The following DNAH11 variants were observed in gnomAD, a reference collection of about 807,000 sequenced individuals.
The protein encoded by DNAH11 is dynein axonemal heavy chain 11, also known as axonemal beta dynein heavy chain 11.
A neutral mutation model predicts 526.0 loss-of-function variants in DNAH11; 442 were observed. The observed-to-expected ratio is 0.84, with a 90% confidence interval of 0.78 to 0.91. The LOEUF is 0.91. DNAH11 is among the 40% of genes least tolerant of loss of function. The pLI is 0.00. For missense variants in DNAH11, 6,989 were observed against 5,448.7 expected, an observed-to-expected ratio of 1.28 and a Z score of -8.90; for synonymous variants, 2,461 against 1,935.9, an observed-to-expected ratio of 1.27 and a Z score of -7.12.
At chr7:21,798,722 C>T (rs987899328) in intron 61 of DNAH11, among the ~76,000 whole-genome samples, 12 of 152,272 alleles carry the variant, frequency 7.9e-5, no homozygotes, top group Non-Finnish European at 1.5e-4. Context: ...CAGAGTTTTT[C>T]AGCTGCTGTA....
At chr7:21,617,406 G>T (rs551131564) in intron 22 of DNAH11, among the ~76,000 whole-genome samples, 2 of 152,340 alleles carry the variant, frequency 1.3e-5, no homozygotes, top group South Asian at 4.1e-4. Context: ...TGAGAAAGCA[G>T]TGTATACAAG....
At chr7:21,780,438 A>G (rs997137305) in intron 57 of DNAH11, among the ~76,000 whole-genome samples, 2 of 152,200 alleles carry the variant, frequency 1.3e-5, no homozygotes, top group African/African-American at 2.4e-5. Context: ...TAGGTATCAC[A>G]CATGATACAG....
chr7:21,750,175 T>G, intron 53 of DNAH11, 47 bp from the exon 54 acceptor site: 2 of 1,520,338 alleles, frequency 1.3e-6, no homozygotes, highest in South Asian at 2.6e-5. Flanking sequence ...TATGTAAAAT[T>G]TAAATTGCAA....
At chr7:21,652,363 T>C (rs938820333) in intron 28 of DNAH11, among the ~76,000 whole-genome samples, 2 of 152,120 alleles carry the variant, frequency 1.3e-5, no homozygotes, top group African/African-American at 4.8e-5. Flanking sequence ...AAAGGTAAAA[T>C]GTTGATGGCC....
chr7:21,586,018 G>C (rs890220230), intron 9 of DNAH11, among the ~76,000 whole-genome samples: 4 of 152,196 alleles, frequency 2.6e-5, no homozygotes, highest in African/African-American at 9.7e-5. Context: ...TCTCCTCCTG[G>C]AGGGTGGTTT....
At position 21,588,139 on chromosome 7, in the gene DNAH11, G is replaced by T. The variant is rs778176046; in HGVS notation, c.1786G>T (p.Val596Leu). Residue 596 changes from valine (V) to leucine (L), a missense_variant, in exon 10 of 82, where the codon GTG (valine) becomes TTG (leucine). Val to Leu is a conservative substitution (Grantham distance 32). Coordinates refer to ENST00000409508, the MANE Select transcript of DNAH11 (RefSeq NM_001277115.2). The stretch of plus-strand genomic sequence containing the variant: ...TTTCAGCCTACATTACAGCACACTA[G>T]TGCATATGTTTAATACAGAGCTGGA... ...EIFSLHYSTLVHMFNTELDVC... is the reference protein window; with the variant it reads ...EIFSLHYSTLLHMFNTELDVC... 2 of 1,613,402 alleles carry T rather than the reference G, an allele frequency of 1.2e-6. No homozygotes were observed. The highest frequency in any genetic ancestry group is 1.1e-5 in the South Asian group (1 of 91,046).
intron 20 of DNAH11, among the ~76,000 whole-genome samples, chr7:21,612,284 G>GCA (rs1562699932): frequency 8.3e-4 from 126 of 152,182 alleles, no homozygotes; most frequent in African/African-American, 2.8e-3. Context: ...GGCTGGGCAT[G>GCA]GTGGCTCACG....
At position 21,893,871 on chromosome 7, in the gene DNAH11, G is replaced by C. The variant is rs555651841; in HGVS notation, c.12751-752G>C. Among the ~76,000 whole-genome samples the C allele has an allele frequency of 2.6e-5, 4 of 152,212 alleles. No homozygotes were observed. In the South Asian group the frequency reaches 8.3e-4, roughly 32 times the overall value. ...GCTTACGCTTAAAAGGCTTATTTGG[G>C]TTATGTGACTTTTATTCTATTTTAT... is the stretch of plus-strand genomic sequence containing the variant. On this transcript the variant is annotated intron_variant, in intron 77 of 81. Coordinates refer to ENST00000409508, the MANE Select transcript of DNAH11 (RefSeq NM_001277115.2).
intron 65 of DNAH11, among the ~76,000 whole-genome samples, chr7:21,830,037 G>T (rs977302990): frequency 5.9e-5 from 9 of 152,128 alleles, no homozygotes; most frequent in Non-Finnish European, 2.9e-5. Flanking sequence ...TAATTTTTTG[G>T]CTGGGTTTTG....
At chr7:21,588,721 C>A in intron 11 of DNAH11, 85 bp downstream of exon 11, 1 of 1,486,468 alleles carries the variant, frequency 6.7e-7, no homozygotes, top group Non-Finnish European at 9.3e-7. Flanking sequence ...TTCATATTAG[C>A]ACTTAGGAAG....
intron 56 of DNAH11, among the ~76,000 whole-genome samples, chr7:21,778,210 A>G (rs995235297): frequency 6.6e-6 from 1 of 152,162 alleles, no homozygotes; most frequent in Non-Finnish European, 1.5e-5. Context: ...TTTTTAGCAG[A>G]TGAATTCATG....
At chr7:21,839,541 C>T (rs994691398) in intron 65 of DNAH11, among the ~76,000 whole-genome samples, 5 of 151,330 alleles carry the variant, frequency 3.3e-5, no homozygotes, top group African/African-American at 9.8e-5. Context: ...CACCACTGCA[C>T]TCCAACCTGG....
intron 28 of DNAH11, among the ~76,000 whole-genome samples, chr7:21,641,856 G>C (rs1419646185): frequency 6.6e-6 from 1 of 152,160 alleles, no homozygotes; most frequent in Non-Finnish European, 1.5e-5. Flanking sequence ...ACATTGCTCA[G>C]TACTAGTCCC....
chr7:21,693,315 A>G (rs1783707441), intron 35 of DNAH11, among the ~76,000 whole-genome samples: 1 of 152,184 alleles, frequency 6.6e-6, no homozygotes. Flanking sequence ...CATTCCAGGG[A>G]TAAGCTCCGC....
intron 54 of DNAH11, among the ~76,000 whole-genome samples, chr7:21,757,332 G>T (rs1562528642): frequency 6.6e-6 from 1 of 152,120 alleles, no homozygotes; most frequent in East Asian, 1.9e-4. Flanking sequence ...TTGAGTATGG[G>T]ATGAAATGTT....
At chr7:21,596,718 T>C (rs1478626341) in intron 14 of DNAH11, among the ~76,000 whole-genome samples, 1 of 152,228 alleles carries the variant, frequency 6.6e-6, no homozygotes, top group Admixed American at 6.5e-5. Context: ...CATTGTCATC[T>C]CAGAGAAAAA....
At chr7:21,717,715 G>C (rs1784718346) in intron 42 of DNAH11, 60 bp from the exon 43 acceptor site, 9 of 1,598,366 alleles carry the variant, frequency 5.6e-6, no homozygotes, top group South Asian at 5.6e-5. Flanking sequence ...CTTTTGACTT[G>C]GTGAAATTCT....
Position 21,880,162 on chromosome 7 carries a change from G to A in DNAH11, c.12196-540G>A, listed in dbSNP as rs527648816. ...ACAAGCAATTTCATTTTCAGCAAAT[G>A]ACCTGGAAGTTATACACAACACTTT... On this transcript the variant is annotated intron_variant, in intron 74 of 81. Transcript: ENST00000409508. Among the ~76,000 whole-genome samples the A allele has an allele frequency of 4.5e-4, 68 of 151,842 alleles. 1 individual carries two copies. Among genetic ancestry groups the A allele is most frequent in the Admixed American group, 8.5e-4 (13 of 15,250 alleles).
In DNAH11 at chr7:21,779,056, G is replaced by C. The variant is rs72657379; in HGVS notation, c.9435G>C (p.Thr3145=). The C allele has an allele frequency of 6.2e-7, 1 of 1,613,220 alleles. No homozygotes were observed. The highest frequency in any genetic ancestry group is 1.3e-5 in the African/African-American group (1 of 74,884). Residue 3145 remains threonine (T), a synonymous_variant, in exon 57 of 82, where the codon ACG becomes ACC. Coordinates refer to ENST00000409508, the MANE Select transcript of DNAH11 (RefSeq NM_001277115.2). ...EALITKIGLQ[T]EKVSREKTIA... ...TGATCACAAAGATCGGCCTTCAGAC[G>C]GAGAAAGTGAGCCGGGAAAAGACCA...
Sources: gnomAD v4.1 joint callset for allele counts (sites outside exome capture counted in the v4.1 genomes callset) on GRCh38, gnomAD v4.1.1 for gene constraint, MANE v1.5 for transcripts, NCBI Gene and HGNC (gene_info 2026-07-23, HGNC 2026-07-21) for gene names.